Variants in BBS7 observed in about 807,000 individuals in gnomAD.
BBS7 encodes the protein BBSome complex member BBS7.
Under a neutral mutation model 90.3 loss-of-function variants are expected in BBS7, and 50 were observed. The observed-to-expected ratio is 0.55, with a 90% CI of 0.44 to 0.70. BBS7 has a LOEUF of 0.70. BBS7 is among the 30% of genes least tolerant of loss of function. The probability of loss-of-function intolerance (pLI) is 0.00; values close to 1 mark genes in which losing one functional copy is unlikely to be tolerated. For synonymous variants in BBS7, 235 were observed against 287.4 expected, an observed-to-expected ratio of 0.82 and a Z score of 1.85; for missense variants, 729 against 838.9, an observed-to-expected ratio of 0.87 and a Z score of 1.62.
chr4:121,827,247 G>T (rs1724957759), intron 18 of BBS7, among the ~76,000 whole-genome samples: 1 of 152,172 alleles, frequency 6.6e-6, no homozygotes, highest in Non-Finnish European at 1.5e-5. Flanking sequence ...TACAGTTTGT[G>T]AGAAAGTCTC....
intron 13 of BBS7, among the ~76,000 whole-genome samples, chr4:121,837,556 A>G (rs1027616737): frequency 6.6e-6 from 1 of 152,208 alleles, no homozygotes; most frequent in African/African-American, 2.4e-5. Flanking sequence ...CTATTAAAAT[A>G]GAAATGTCAT....
At chr4:121,839,792 C>A in intron 12 of BBS7, 96 bp from the exon 13 acceptor site, 1 of 1,066,856 alleles carries the variant, frequency 9.4e-7, no homozygotes, top group Non-Finnish European at 1.4e-6. Context: ...TTTGCTTAAG[C>A]ACCTGTCATT....
intron 1 of BBS7, among the ~76,000 whole-genome samples, chr4:121,869,807 G>A (rs1403496149): frequency 6.6e-6 from 1 of 152,188 alleles, no homozygotes; most frequent in African/African-American, 2.4e-5. Context: ...CCAAAGTGCT[G>A]GGATAACAGG....
intron 7 of BBS7, 37 bp downstream of exon 7, chr4:121,854,667 T>C (rs1726502542): frequency 6.3e-6 from 10 of 1,593,756 alleles, no homozygotes; most frequent in African/African-American, 1.3e-5. Context: ...TTAATAATCA[T>C]TGACACCTCA....
intron 18 of BBS7, 190 bp downstream of exon 18, chr4:121,827,956 A>C: frequency 7.2e-7 from 1 of 1,394,354 alleles, no homozygotes; most frequent in East Asian, 2.6e-5. Context: ...AGAATTAAAT[A>C]TTAAAAGTAG....
At chr4:121,847,370 T>C (rs757662555) in intron 10 of BBS7, 34 bp downstream of exon 10, 7 of 1,423,670 alleles carry the variant, frequency 4.9e-6, no homozygotes, top group South Asian at 2.3e-5. Flanking sequence ...CTTCATGAGA[T>C]TTTTAAAAAA....
intron 11 of BBS7, 35 bp downstream of exon 11, chr4:121,845,467 CCA>C (rs748182778): frequency 2.0e-6 from 3 of 1,521,646 alleles, no homozygotes; most frequent in Non-Finnish European, 2.7e-6. Context: ...CAAAATAGAT[CCA>C]GTCATAAAAC....
At chr4:121,849,460 C>T (rs541245317) in intron 8 of BBS7, among the ~76,000 whole-genome samples, 1 of 152,316 alleles carries the variant, frequency 6.6e-6, no homozygotes, top group Admixed American at 6.5e-5. Flanking sequence ...CTTGGCCTCC[C>T]AAACTGCTAG....
At chr4:121,846,320 T>C (rs931557695) in intron 10 of BBS7, among the ~76,000 whole-genome samples, 3 of 152,054 alleles carry the variant, frequency 2.0e-5, no homozygotes, top group Admixed American at 6.6e-5. Context: ...TAAACAGTCA[T>C]TGGGATAGAA....
At chr4:121,859,569 T>C (rs1033616675) in intron 4 of BBS7, among the ~76,000 whole-genome samples, 3 of 152,128 alleles carry the variant, frequency 2.0e-5, no homozygotes, top group African/African-American at 7.2e-5. Flanking sequence ...CATAACTCTA[T>C]AAAATAAGGA....
intron 2 of BBS7, 94 bp downstream of exon 2, chr4:121,867,887 T>C: frequency 2.7e-6 from 3 of 1,120,618 alleles, no homozygotes; most frequent in Middle Eastern, 2.0e-4. Context: ...ACATTAGCAT[T>C]TTTAAGAGAA....
intron 13 of BBS7, 32 bp from the exon 14 acceptor site, chr4:121,835,315 G>C (rs1327862593): frequency 6.2e-7 from 1 of 1,611,302 alleles, no homozygotes; most frequent in Admixed American, 1.7e-5. Context: ...AATAAAATAA[G>C]AATATTTAGC....
rs1727519639 is a variant in BBS7 at position 121,870,339 on chromosome 4, G to A, written c.-26C>T. Reference sequence around the variant, plus strand: ...GATGACTACGCGGAGGGGCTAAGCAGCGCCGGACAAGAACAGGAGGGACAG... The same window carrying A: ...GATGACTACGCGGAGGGGCTAAGCAACGCCGGACAAGAACAGGAGGGACAG... On this transcript the variant is annotated 5_prime_UTR_variant, in exon 1 of 19. Transcript: ENST00000264499. The A allele has an allele frequency of 1.9e-6, 3 of 1,613,996 alleles. No individual in the cohort carries two copies. The highest frequency in any genetic ancestry group is 1.7e-5 in the Admixed American group (1 of 60,008).
chr4:121,841,784 G>A (rs565313852), intron 12 of BBS7, among the ~76,000 whole-genome samples: 1 of 152,066 alleles, frequency 6.6e-6, no homozygotes, highest in Non-Finnish European at 1.5e-5. Flanking sequence ...AGTAACTTAA[G>A]AATCAAAGAT....
At chr4:121,833,517 T>C (rs1317337064) in intron 14 of BBS7, 122 bp from the exon 15 acceptor site, 1 of 925,890 alleles carries the variant, frequency 1.1e-6, no homozygotes, top group African/African-American at 1.7e-5. Context: ...TTCAATTTTC[T>C]CAGATTAATC....
At chr4:121,869,680 A>C (rs1365713449) in intron 1 of BBS7, among the ~76,000 whole-genome samples, 1 of 152,094 alleles carries the variant, frequency 6.6e-6, no homozygotes, top group Non-Finnish European at 1.5e-5. Flanking sequence ...CTGGGATTAC[A>C]GGCGCCCGCC....
chr4:121,825,751 TATA>T lies in BBS7; in HGVS notation c.*106_*108del. ...CCATTATATCTCAAATATTTTTAGA[TATA>T]AAAAAGCATTTGAAATTAAAGTACA... On this transcript the variant is annotated 3_prime_UTR_variant, in exon 19 of 19. Coordinates refer to ENST00000264499, the MANE Select transcript of BBS7 (RefSeq NM_176824.3). The T allele has an allele frequency of 1.8e-6, 2 of 1,085,418 alleles. No individual in the cohort carries two copies. The highest frequency in any genetic ancestry group is 5.2e-5 in the East Asian group (2 of 38,142). The allele number at this position is 1,085,418 out of a possible 1,614,324, so 67.2% of individuals were successfully genotyped here. A position where few individuals can be genotyped will look rare whatever the true frequency, so the allele number is the denominator to read the frequency against.
chr4:121,861,956 T>A (rs552577804), intron 3 of BBS7, among the ~76,000 whole-genome samples: 12 of 152,298 alleles, frequency 7.9e-5, no homozygotes, highest in African/African-American at 2.4e-4. Context: ...AATGTTAGCA[T>A]CACTAAATTT....
intron 8 of BBS7, 82 bp from the exon 9 acceptor site, chr4:121,849,010 C>T: frequency 9.7e-7 from 1 of 1,032,008 alleles, no homozygotes; most frequent in Non-Finnish European, 1.5e-6. Flanking sequence ...AACGTTTTCC[C>T]TGGCTCCAGA....
Sources: allele counts gnomAD v4.1 joint callset (sites outside exome capture counted in the v4.1 genomes callset), GRCh38; gene constraint gnomAD v4.1.1; transcripts MANE v1.5; gene names NCBI Gene and HGNC (gene_info 2026-07-23, HGNC 2026-07-21).